PALD1: variants seen among roughly 807,000 people sequenced by gnomAD.
PALD1 encodes the protein paladin.
In PALD1, 57 loss-of-function variants were observed where a neutral mutation model predicts 96.0. The observed-to-expected ratio is 0.59, with a 90% CI of 0.48 to 0.74. The LOEUF is 0.74. PALD1 is among the 30% of genes least tolerant of loss of function. PALD1 has a pLI of 0.00. For synonymous variants in PALD1, 464 were observed against 473.6 expected (o/e 0.98, Z 0.26); for missense variants, 1,063 against 1,143.7 (o/e 0.93, Z 1.02).
At chr10:70,565,317 C>T (rs1381393189) in intron 19 of PALD1, among the ~76,000 whole-genome samples, 1 of 152,206 alleles carries the variant, frequency 6.6e-6, no homozygotes, top group Non-Finnish European at 1.5e-5. Context: ...TCTTCTTGCA[C>T]TCAGTTGTTT....
intron 1 of PALD1, among the ~76,000 whole-genome samples, chr10:70,501,666 T>C (rs989870841): frequency 1.3e-5 from 2 of 151,096 alleles, no homozygotes; most frequent in African/African-American, 4.9e-5. Flanking sequence ...TTCTTTTTTT[T>C]CTAAATAGTG....
intron 18 of PALD1, among the ~76,000 whole-genome samples, chr10:70,562,232 G>A (rs1008225385): frequency 6.6e-6 from 1 of 152,186 alleles, no homozygotes; most frequent in Non-Finnish European, 1.5e-5. Flanking sequence ...CGCCCCTCTT[G>A]GGCACAGCCT....
chr10:70,561,978 A>C (rs759426599), intron 18 of PALD1, among the ~76,000 whole-genome samples: 4 of 152,076 alleles, frequency 2.6e-5, no homozygotes, highest in Admixed American at 6.5e-5. Flanking sequence ...TGAGTAGTTC[A>C]TCTTTGCATC....
chr10:70,533,306 T>A (rs1172004439), intron 7 of PALD1, among the ~76,000 whole-genome samples: 1 of 152,012 alleles, frequency 6.6e-6, no homozygotes, highest in Non-Finnish European at 1.5e-5. Context: ...TCTCTCTGTG[T>A]GTCTGTGTGT....
rs754165073 is a variant in PALD1, at chr10:70,529,878, TCC to T, written c.289-8_289-7del. On this transcript the variant is annotated splice_polypyrimidine_tract_variant and intron_variant, in intron 3 of 19. Transcript: ENST00000263563. ...CATCTGAGTGACCTTCCTGTGGCTCTCCCCTGCCAGGGCCGCTACTTCCTGGT... is the reference window on the plus strand; with the variant it reads ...CATCTGAGTGACCTTCCTGTGGCTCTCCTGCCAGGGCCGCTACTTCCTGGT... 1 of 1,612,666 alleles carries T rather than the reference TCC, an allele frequency of 6.2e-7. No homozygotes were observed. Among genetic ancestry groups the T allele is most frequent in the Non-Finnish European group, 8.5e-7 (1 of 1,179,328 alleles).
At chr10:70,553,492 C>T (rs1325631632) in intron 18 of PALD1, among the ~76,000 whole-genome samples, 1 of 152,194 alleles carries the variant, frequency 6.6e-6, no homozygotes, top group Non-Finnish European at 1.5e-5. Flanking sequence ...CAGTGCCGGC[C>T]ACACATGTCC....
rs1011675769 is a variant in PALD1, at chr10:70,539,460, G to A, written c.1726-120G>A. 2 of 1,075,026 alleles carry A rather than the reference G, an allele frequency of 1.9e-6. No homozygotes were observed. Among genetic ancestry groups the A allele is most frequent in the Non-Finnish European group, 2.6e-6 (2 of 766,588 alleles). The allele number at this position is 1,075,026 out of a possible 1,614,324, so 66.6% of individuals were successfully genotyped here. On this transcript the variant is annotated intron_variant, in intron 14 of 19. Coordinates refer to ENST00000263563, the MANE Select transcript of PALD1 (RefSeq NM_014431.3). The surrounding 1 kb of genome is among the most constrained non-coding windows in gnomAD (Gnocchi z 4.5). Reference sequence around the variant, plus strand: ...GGGTGGCTGTGACCCCTGAGGCTTGGGGGGGTCAGGGATGGGACTGGAAGC... The same window carrying A: ...GGGTGGCTGTGACCCCTGAGGCTTGAGGGGGTCAGGGATGGGACTGGAAGC...
chr10:70,463,857 G>A, the PALD1 span, among the ~76,000 whole-genome samples: 1 of 152,138 alleles, frequency 6.6e-6, no homozygotes, highest in South Asian at 2.1e-4. Context: ...GAGCCTTCTA[G>A]GAATATGGAC....
At chr10:70,469,420 T>C in the PALD1 span, among the ~76,000 whole-genome samples, 1 of 152,082 alleles carries the variant, frequency 6.6e-6, no homozygotes, top group East Asian at 1.9e-4. Flanking sequence ...AATGCTTATC[T>C]CAGATTGTCT....
At chr10:70,525,277 G>C (rs747496482) in intron 1 of PALD1, among the ~76,000 whole-genome samples, 32 of 151,964 alleles carry the variant, frequency 2.1e-4, no homozygotes, top group Non-Finnish European at 2.9e-4. Flanking sequence ...CTCCCAAAGT[G>C]CTGGGATTAT....
intron 18 of PALD1, among the ~76,000 whole-genome samples, chr10:70,551,637 C>G (rs1221819294): frequency 6.6e-6 from 1 of 151,194 alleles, no homozygotes; most frequent in Non-Finnish European, 1.5e-5. Context: ...TGGCCCCCTG[C>G]CGGCTTCAGC....
At chr10:70,464,722 T>G in the PALD1 span, among the ~76,000 whole-genome samples, 1 of 146,058 alleles carries the variant, frequency 6.8e-6, no homozygotes, top group Non-Finnish European at 1.5e-5. Context: ...GCCTCCCGGG[T>G]TCAAGCTATT....
At chr10:70,488,625 C>T (rs1846049359) in intron 1 of PALD1, among the ~76,000 whole-genome samples, 1 of 152,102 alleles carries the variant, frequency 6.6e-6, no homozygotes, top group Admixed American at 6.6e-5. Flanking sequence ...CAAACTCGGT[C>T]CATGGCTGTG....
At position 70,539,292 on chromosome 10, in the gene PALD1, G is replaced by C. The variant is rs568845957; in HGVS notation, c.1725+45G>C. On this transcript the variant is annotated intron_variant, in intron 14 of 19. Transcript: ENST00000263563. This position sits in a 1 kb window ranked among gnomAD's most constrained non-coding sequence, Gnocchi z 4.5. ...AGGCACCCCTGCCTCCGAGGCTTCT[G>C]GGGAGTGGCCTGGGAGGGTCTTCAG... 7.5e-5 allele frequency: 117 copies of C among 1,559,160 alleles called. No homozygotes were observed. The highest frequency in any genetic ancestry group is 9.3e-5 in the Admixed American group (5 of 53,772).
chr10:70,477,512 A>G (rs112683764), upstream of PALD1, among the ~76,000 whole-genome samples: 1,169 of 152,296 alleles, frequency 7.7e-3, 7 homozygotes, highest in Middle Eastern at 0.014. Flanking sequence ...GCGCAGGAGC[A>G]GGTATGGAGC....
At chr10:70,473,356 AGGCACATAGTG>A in the PALD1 span, among the ~76,000 whole-genome samples, 1 of 152,236 alleles carries the variant, frequency 6.6e-6, no homozygotes, top group African/African-American at 2.4e-5. Context: ...GCCCAGAGTC[AGGCACATAGTG>A]GGCACTTAAA....
At chr10:70,473,818 T>C (rs902709905), upstream of PALD1, among the ~76,000 whole-genome samples, 1 of 152,080 alleles carries the variant, frequency 6.6e-6, no homozygotes, top group African/African-American at 2.4e-5. Flanking sequence ...GCTAATTTTT[T>C]TGTATTTTTA....
chr10:70,521,722 C>T lies in PALD1; in HGVS notation c.-29-4201C>T, dbSNP rs750775229. On this transcript the variant is annotated intron_variant, in intron 1 of 19. Coordinates refer to ENST00000263563, the MANE Select transcript of PALD1 (RefSeq NM_014431.3). ...AATTTTTTTTTATTTTTAGTAGAGA[C>T]GGGGTTTCACCATGTTGGCGAGGCT... 3.4e-4 allele frequency among the ~76,000 whole-genome samples: 52 copies of T among 151,714 alleles called. 1 individual carries two copies. Among genetic ancestry groups the T allele is most frequent in the Non-Finnish European group, 7.1e-4 (48 of 67,920 alleles).
the PALD1 span, among the ~76,000 whole-genome samples, chr10:70,472,335 A>G: frequency 6.6e-6 from 1 of 152,150 alleles, no homozygotes; most frequent in Non-Finnish European, 1.5e-5. Context: ...ATCTTGGCTC[A>G]CTGCAACCTC....
Sources: allele counts gnomAD v4.1 joint callset (sites outside exome capture counted in the v4.1 genomes callset), GRCh38; gene constraint gnomAD v4.1.1; non-coding constraint Gnocchi (gnomAD v3.1); transcripts MANE v1.5; gene names NCBI Gene and HGNC (gene_info 2026-07-23, HGNC 2026-07-21).